The following MYO1D variants were observed in gnomAD, a reference collection of about 807,000 sequenced individuals.
MYO1D encodes myosin ID.
Under a neutral mutation model 122.0 loss-of-function variants are expected in MYO1D, and 83 were observed. That is an observed-to-expected ratio of 0.68 (90% confidence interval 0.57 to 0.82). MYO1D has a LOEUF of 0.82. MYO1D is among the 40% of genes least tolerant of loss of function. The pLI is 0.00. For synonymous variants in MYO1D, 464 were observed against 446.9 expected (o/e 1.04, Z -0.48); for missense variants, 1,157 against 1,269.5 (o/e 0.91, Z 1.35).
intron 17 of MYO1D, 35 bp downstream of exon 17, chr17:32,659,080 A>G: frequency 6.3e-7 from 1 of 1,576,942 alleles, no homozygotes; most frequent in Non-Finnish European, 8.7e-7. Context: ...CTGTGCCACC[A>G]TAAATGGATG....
chr17:32,771,072 C>A, intron 6 of MYO1D, 53 bp downstream of exon 6: 1 of 1,372,936 alleles, frequency 7.3e-7, no homozygotes, highest in Non-Finnish European at 1.0e-6. Flanking sequence ...AATGTCTCTT[C>A]TAATCCTTTG....
intron 21 of MYO1D, among the ~76,000 whole-genome samples, chr17:32,506,889 G>T (rs1305842786): frequency 6.6e-6 from 1 of 152,192 alleles, no homozygotes; most frequent in Non-Finnish European, 1.5e-5. Context: ...GGTGAGGTGG[G>T]AGGGTCACTT....
intron 16 of MYO1D, among the ~76,000 whole-genome samples, chr17:32,708,285 C>T (rs1409992897): frequency 6.6e-6 from 1 of 152,132 alleles, no homozygotes; most frequent in Non-Finnish European, 1.5e-5. Context: ...TCTATATGCA[C>T]AGAAAGATAT....
chr17:32,653,911 G>A lies in MYO1D; in HGVS notation c.2527C>T (p.Pro843Ser). 1 of 1,613,858 alleles carries A rather than the reference G, an allele frequency of 6.2e-7. No individual in the cohort carries two copies. Among genetic ancestry groups the A allele is most frequent in the East Asian group, 2.2e-5 (1 of 44,850 alleles). The change falls in exon 19 of 22, where the codon CCT becomes TCT. Residue 843 changes from proline (P) to serine (S), a missense_variant. Coordinates refer to ENST00000318217, the MANE Select transcript of MYO1D (RefSeq NM_015194.3). ...DTPQTSGTFVPVANELKRKDK... is the reference protein window; with the variant it reads ...DTPQTSGTFVSVANELKRKDK... Reference sequence around the variant, plus strand: ...TTCCGTTTCAATTCATTAGCAACAGGGACAAAAGTGCCTGAGGTCTGAGGT... The same window carrying A: ...TTCCGTTTCAATTCATTAGCAACAGAGACAAAAGTGCCTGAGGTCTGAGGT...
At chr17:32,611,759 T>C (rs999807211) in intron 20 of MYO1D, among the ~76,000 whole-genome samples, 1 of 152,134 alleles carries the variant, frequency 6.6e-6, no homozygotes, top group African/African-American at 2.4e-5. Context: ...GAATCACTTG[T>C]ATCTGGGAGG....
Position 32,772,634 on chromosome 17 carries a change from G to A in MYO1D, c.618+155C>T, listed in dbSNP as rs189576590. On this transcript the variant is annotated intron_variant, in intron 5 of 21. Coordinates refer to ENST00000318217, the MANE Select transcript of MYO1D (RefSeq NM_015194.3). ...CCAATCTCTTAAGCAGGTAGGGCAG[G>A]GCATGTGGTGCGTGCGTGCGTGCGT... is the stretch of plus-strand genomic sequence containing the variant. Among the ~76,000 whole-genome samples the A allele has an allele frequency of 2.6e-5, 4 of 152,308 alleles. No individual in the cohort carries two copies. The East Asian group carries it at 7.7e-4, about 29-fold the overall frequency.
chr17:32,742,081 A>G (rs929458301), intron 13 of MYO1D, among the ~76,000 whole-genome samples: 23 of 152,180 alleles, frequency 1.5e-4, no homozygotes, highest in African/African-American at 5.5e-4. Context: ...TGTGCTAGAC[A>G]TGTACAGACT....
chr17:32,567,756 G>A (rs2087186355), intron 21 of MYO1D, among the ~76,000 whole-genome samples: 1 of 152,198 alleles, frequency 6.6e-6, no homozygotes, highest in Non-Finnish European at 1.5e-5. Flanking sequence ...GAGCATATGT[G>A]CACAGAAGGA....
At chr17:32,505,154 C>T (rs1204474316) in intron 21 of MYO1D, 1 of 152,256 alleles carries the variant, frequency 6.6e-6, no homozygotes, top group Non-Finnish European at 1.5e-5. Context: ...CCCTGCGGCT[C>T]CCCTGCCAAT....
At position 32,802,336 on chromosome 17, in the gene MYO1D, T is replaced by C. The variant is rs375743788; in HGVS notation, c.96-21552A>G. Reference sequence around the variant, plus strand: ...TATGTCAAGGTACTAACAGTTTGGATGCAGAGACAAATAGTTTCAATTGCT... The same window carrying C: ...TATGTCAAGGTACTAACAGTTTGGACGCAGAGACAAATAGTTTCAATTGCT... On this transcript the variant is annotated intron_variant, in intron 1 of 21. Coordinates refer to ENST00000318217, the MANE Select transcript of MYO1D (RefSeq NM_015194.3). 1.8e-4 allele frequency among the ~76,000 whole-genome samples: 27 copies of C among 152,368 alleles called. No homozygotes were observed. The South Asian group carries it at 3.1e-3, about 18-fold the overall frequency.
intron 21 of MYO1D, among the ~76,000 whole-genome samples, chr17:32,509,773 G>C (rs1277167917): frequency 4.6e-5 from 7 of 151,988 alleles, no homozygotes; most frequent in Non-Finnish European, 7.4e-5. Context: ...ATTTTTAGTA[G>C]AGACGGGGTT....
intron 21 of MYO1D, among the ~76,000 whole-genome samples, chr17:32,552,084 T>G (rs1051186298): frequency 3.9e-5 from 6 of 152,220 alleles, no homozygotes; most frequent in Non-Finnish European, 8.8e-5. Context: ...GTTTTTTGTT[T>G]TGTTTCGTTT....
intron 14 of MYO1D, among the ~76,000 whole-genome samples, chr17:32,730,554 C>A (rs1224007664): frequency 6.6e-6 from 1 of 152,072 alleles, no homozygotes; most frequent in African/African-American, 2.4e-5. Context: ...CAGAAAGATT[C>A]TTTATTGTGC....
intron 21 of MYO1D, among the ~76,000 whole-genome samples, chr17:32,550,093 A>G (rs1400364748): frequency 6.7e-6 from 1 of 149,556 alleles, no homozygotes; most frequent in African/African-American, 2.5e-5. Flanking sequence ...TCAAGCTTTG[A>G]GCTATAATTT....
At chr17:32,647,686 CA>C (rs1395743846) in intron 19 of MYO1D, among the ~76,000 whole-genome samples, 1 of 98,498 alleles carries the variant, frequency 1.0e-5, no homozygotes. Flanking sequence ...ATAGCTTATA[CA>C]TTTTTTTTTT....
chr17:32,848,798 C>T (rs373646393), intron 1 of MYO1D, among the ~76,000 whole-genome samples: 8 of 152,216 alleles, frequency 5.3e-5, no homozygotes, highest in African/African-American at 1.9e-4. Context: ...TAGCTGGGCT[C>T]ATTCAGTGCA....
chr17:32,679,735 C>T (rs1386181844), intron 16 of MYO1D, among the ~76,000 whole-genome samples: 7 of 152,066 alleles, frequency 4.6e-5, no homozygotes, highest in African/African-American at 9.7e-5. Flanking sequence ...ATTGACTTGG[C>T]AGTGCGGGGT....
intron 13 of MYO1D, among the ~76,000 whole-genome samples, chr17:32,739,387 G>T (rs557033922): frequency 2.0e-5 from 3 of 149,916 alleles, no homozygotes; most frequent in African/African-American, 7.4e-5. Flanking sequence ...GCAAACTATC[G>T]CAAGGACAAA....
chr17:32,625,587 T>C (rs998317360), intron 20 of MYO1D, among the ~76,000 whole-genome samples: 2 of 152,144 alleles, frequency 1.3e-5, no homozygotes, highest in Admixed American at 1.3e-4. Context: ...TCTCGCTCTA[T>C]TGCCCAGGCT....
Sources: gnomAD v4.1 joint callset for allele counts (sites outside exome capture counted in the v4.1 genomes callset) on GRCh38, gnomAD v4.1.1 for gene constraint, MANE v1.5 for transcripts, NCBI Gene and HGNC (gene_info 2026-07-23, HGNC 2026-07-21) for gene names.